Variants in RGSL1 observed in about 807,000 individuals in gnomAD.
RGSL1 encodes regulator of G protein signaling like 1, also known as regulator of G protein signaling protein-like.
In RGSL1, 97 loss-of-function variants were observed where a neutral mutation model predicts 124.7. That is an observed-to-expected ratio of 0.78 (90% confidence interval 0.66 to 0.92). RGSL1 has a LOEUF of 0.92. Ranked by LOEUF, RGSL1 falls within the 40% of genes least tolerant of loss-of-function variation. The pLI, the probability that RGSL1 is intolerant of heterozygous loss-of-function variation, is 0.00. For synonymous variants in RGSL1, 424 were observed against 438.1 expected (o/e 0.97, Z 0.40); for missense variants, 1,233 against 1,288.4 (o/e 0.96, Z 0.66).
chr1:182,513,280 A>G (rs1558350243), intron 9 of RGSL1, among the ~76,000 whole-genome samples: 2 of 152,174 alleles, frequency 1.3e-5, no homozygotes, highest in East Asian at 3.8e-4. Flanking sequence ...TTCCTCCCCA[A>G]TCTACCTAAG....
intron 9 of RGSL1, among the ~76,000 whole-genome samples, chr1:182,515,136 G>A (rs1044522190): frequency 1.3e-5 from 2 of 152,196 alleles, no homozygotes; most frequent in African/African-American, 2.4e-5. Context: ...GCCCACACCC[G>A]TGAAGCAGGG....
intron 2 of RGSL1, among the ~76,000 whole-genome samples, chr1:182,458,009 A>G (rs1446462870): frequency 1.3e-5 from 2 of 152,228 alleles, no homozygotes; most frequent in Non-Finnish European, 2.9e-5. Flanking sequence ...AATATGTTCT[A>G]ATATCATGGG....
intron 9 of RGSL1, among the ~76,000 whole-genome samples, chr1:182,510,415 G>C (rs1353587510): frequency 2.4e-5 from 1 of 42,242 alleles, no homozygotes; most frequent in Admixed American, 1.9e-4. Flanking sequence ...ACGAGACTCC[G>C]TCTGCAATCC....
At chr1:182,479,082 AGTGCT>A (rs1260808563) in intron 6 of RGSL1, among the ~76,000 whole-genome samples, 1 of 152,234 alleles carries the variant, frequency 6.6e-6, no homozygotes, top group African/African-American at 2.4e-5. Flanking sequence ...CCTTACAAAA[AGTGCT>A]AAAGGAACTT....
intron 6 of RGSL1, among the ~76,000 whole-genome samples, chr1:182,477,869 G>T (rs1654415192): frequency 6.6e-6 from 1 of 152,122 alleles, no homozygotes; most frequent in African/African-American, 2.4e-5. Context: ...CAGAAGAGGT[G>T]ACTCCTCCGT....
intron 9 of RGSL1, among the ~76,000 whole-genome samples, chr1:182,501,606 G>A (rs530680609): frequency 1.3e-5 from 2 of 152,014 alleles, no homozygotes; most frequent in East Asian, 1.9e-4. Flanking sequence ...GACGTGAGCC[G>A]CTACGCCCCG....
intron 10 of RGSL1, 150 bp downstream of exon 10, chr1:182,522,259 T>G (rs1238375660): frequency 1.6e-6 from 1 of 638,866 alleles, no homozygotes; most frequent in African/African-American, 1.9e-5. Context: ...CTCTTAGTAT[T>G]TTAAATCATT....
In RGSL1 at chr1:182,474,044, T is replaced by C. The variant is rs1558262437; in HGVS notation, c.933T>C (p.Asp311=). ...CAAGAATCAGTTCCCTGGAAAAGGA[T>C]ATGCATTATGCAAAAATATCCAGCA... ...KETRISSLEK[D]MHYAKISSME... Residue 311 remains aspartate (D), a synonymous_variant, in exon 6 of 22, where the codon GAT becomes GAC. Coordinates refer to ENST00000294854, the MANE Select transcript of RGSL1 (RefSeq NM_001137669.2). The C allele has an allele frequency of 3.9e-6, 6 of 1,551,772 alleles. No homozygotes were observed. The highest frequency in any genetic ancestry group is 4.4e-6 in the Non-Finnish European group (5 of 1,146,992).
At chr1:182,541,094 C>T (rs1248403543) in intron 15 of RGSL1, among the ~76,000 whole-genome samples, 1 of 152,076 alleles carries the variant, frequency 6.6e-6, no homozygotes, top group Non-Finnish European at 1.5e-5. Context: ...TTATGCTAGA[C>T]AGATTCAAAT....
chr1:182,560,360 G>C lies in RGSL1; in HGVS notation c.*247G>C, dbSNP rs1047181320. ...GAAACAGCAAGAGTGACTGAGACCT[G>C]CTGTCATCTATATAGAAGCCTTTCT... is the stretch of plus-strand genomic sequence containing the variant. On this transcript the variant is annotated 3_prime_UTR_variant, in exon 22 of 22. Coordinates refer to ENST00000294854, the MANE Select transcript of RGSL1 (RefSeq NM_001137669.2). The C allele has an allele frequency of 6.6e-6, 1 of 152,222 alleles. No homozygotes were observed. The highest frequency in any genetic ancestry group is 1.5e-5 in the Non-Finnish European group (1 of 68,052). 9.4% of individuals were successfully genotyped at this position (152,222 alleles called of 1,614,324 possible). A position where few individuals can be genotyped will look rare whatever the true frequency, so the allele number is the denominator to read the frequency against.
intron 6 of RGSL1, among the ~76,000 whole-genome samples, chr1:182,476,944 A>T (rs1444686797): frequency 2.0e-5 from 3 of 152,186 alleles, no homozygotes; most frequent in African/African-American, 7.2e-5. Flanking sequence ...TGGCCATTTG[A>T]TATAAAATTG....
chr1:182,467,387 T>C (rs1273641016), intron 4 of RGSL1, among the ~76,000 whole-genome samples: 1 of 152,036 alleles, frequency 6.6e-6, no homozygotes, highest in Non-Finnish European at 1.5e-5. Context: ...GCTACAGTAA[T>C]CAAAACAGCA....
intron 9 of RGSL1, among the ~76,000 whole-genome samples, chr1:182,515,847 G>A (rs1349981646): frequency 6.6e-6 from 1 of 152,182 alleles, no homozygotes; most frequent in Non-Finnish European, 1.5e-5. Flanking sequence ...AGGAGCCCCT[G>A]TGGCCATGGG....
intron 6 of RGSL1, among the ~76,000 whole-genome samples, chr1:182,482,065 A>T (rs1277295169): frequency 6.6e-6 from 1 of 152,244 alleles, no homozygotes; most frequent in African/African-American, 2.4e-5. Context: ...TCCCTGGGTT[A>T]TAAGGATGGC....
intron 15 of RGSL1, among the ~76,000 whole-genome samples, chr1:182,542,464 T>C (rs1477718792): frequency 6.6e-6 from 1 of 152,224 alleles, no homozygotes; most frequent in African/African-American, 2.4e-5. Flanking sequence ...TTCGTTACTA[T>C]AGCTTTGTAG....
chr1:182,522,853 T>A (rs953139568), intron 10 of RGSL1, among the ~76,000 whole-genome samples: 11 of 152,180 alleles, frequency 7.2e-5, no homozygotes, highest in Non-Finnish European at 1.3e-4. Context: ...GCCATGGCAT[T>A]CACTTACTCA....
At chr1:182,471,503 G>A (rs1246344467) in intron 4 of RGSL1, 3 of 363,648 alleles carry the variant, frequency 8.2e-6, no homozygotes, top group South Asian at 2.1e-5. Context: ...GTTTAATAAT[G>A]CAGTTTGGAT....
At chr1:182,538,304 T>TA (rs1659674080) in intron 14 of RGSL1, among the ~76,000 whole-genome samples, 1 of 152,100 alleles carries the variant, frequency 6.6e-6, no homozygotes. Flanking sequence ...AAGGTGGGTG[T>TA]ATCACCAGAG....
chr1:182,511,431 T>A (rs755825570), intron 9 of RGSL1, among the ~76,000 whole-genome samples: 1 of 152,204 alleles, frequency 6.6e-6, no homozygotes, highest in African/African-American at 2.4e-5. Context: ...CCCTAAGAGC[T>A]GGGATTACAG....
Sources: allele counts gnomAD v4.1 joint callset (sites outside exome capture counted in the v4.1 genomes callset), GRCh38; gene constraint gnomAD v4.1.1; transcripts MANE v1.5; gene names NCBI Gene and HGNC (gene_info 2026-07-23, HGNC 2026-07-21).